ERBIN: variants seen among roughly 807,000 people sequenced by gnomAD.
ERBIN encodes densin-180-like protein.
In ERBIN, 60 loss-of-function variants were observed where a neutral mutation model predicts 158.4. The observed-to-expected ratio is 0.38, with a 90% CI of 0.31 to 0.47. The LOEUF is 0.47. ERBIN is among the 20% of genes least tolerant of loss of function. The pLI is 0.99. For synonymous variants in ERBIN, 594 were observed against 557.2 expected (o/e 1.07, Z -0.93); for missense variants, 1,610 against 1,648.0 (o/e 0.98, Z 0.40).
At chr5:65,976,015 A>G (rs994383377) in intron 1 of ERBIN, among the ~76,000 whole-genome samples, 1 of 152,184 alleles carries the variant, frequency 6.6e-6, no homozygotes, top group African/African-American at 2.4e-5. Flanking sequence ...TAATGAATTC[A>G]TGGAGGAAAA....
intron 21 of ERBIN, among the ~76,000 whole-genome samples, chr5:66,063,539 C>G (rs1464175072): frequency 2.0e-5 from 3 of 152,054 alleles, no homozygotes; most frequent in African/African-American, 7.2e-5. Flanking sequence ...TGTGCTGCAC[C>G]CACTGTTCTG....
At chr5:66,008,320 G>A (rs1753838522) in intron 4 of ERBIN, among the ~76,000 whole-genome samples, 1 of 152,174 alleles carries the variant, frequency 6.6e-6, no homozygotes, top group Admixed American at 6.5e-5. Context: ...TTAGGAGGCT[G>A]AGGCAGGAGA....
At chr5:66,066,535 A>AAAAAT (rs1561450904) in intron 21 of ERBIN, among the ~76,000 whole-genome samples, 1,724 of 151,018 alleles carry the variant, frequency 0.011, 38 homozygotes, top group African/African-American at 0.04. Flanking sequence ...AAAAAAAAAA[A>AAAAAT]CAAAAAAAAC....
chr5:66,062,755 A>G (rs974756392), intron 21 of ERBIN, among the ~76,000 whole-genome samples: 4 of 152,076 alleles, frequency 2.6e-5, no homozygotes, highest in African/African-American at 9.7e-5. Flanking sequence ...TTTTCCTTCT[A>G]ATAGTCACAA....
At chr5:66,039,858 A>T (rs904903594) in intron 15 of ERBIN, among the ~76,000 whole-genome samples, 6 of 152,038 alleles carry the variant, frequency 3.9e-5, no homozygotes, top group Non-Finnish European at 7.4e-5. Context: ...TTATCTCACA[A>T]ATCTTCTAAT....
At chr5:66,071,973 A>C (rs550314936) in intron 21 of ERBIN, among the ~76,000 whole-genome samples, 196 bp from the exon 22 acceptor site, 2 of 152,282 alleles carry the variant, frequency 1.3e-5, no homozygotes, top group South Asian at 4.1e-4. Flanking sequence ...TCATACATAC[A>C]AAAATATCTT....
intron 4 of ERBIN, among the ~76,000 whole-genome samples, chr5:66,010,120 G>A (rs1026687702): frequency 2.0e-5 from 3 of 152,016 alleles, no homozygotes; most frequent in Non-Finnish European, 4.4e-5. Context: ...GCATTTATTT[G>A]TTAGGTCTCG....
At chr5:66,039,811 CTA>C (rs1175750903) in intron 15 of ERBIN, among the ~76,000 whole-genome samples, 1 of 151,884 alleles carries the variant, frequency 6.6e-6, no homozygotes, top group Non-Finnish European at 1.5e-5. Flanking sequence ...AAAGCTTTAA[CTA>C]TAGAACCTCC....
rs1758852127 is a variant in ERBIN, at chr5:66,049,935, T to G, written c.1904-848T>G. On this transcript the variant is annotated intron_variant, in intron 19 of 25. Coordinates refer to ENST00000284037, the MANE Select transcript of ERBIN (RefSeq NM_001253697.2). ...AGAGTTTACCATTCATAAACAAGTT[T>G]ATGAAATGTTTTAAAAACATTAAGA... 2.0e-5 allele frequency among the ~76,000 whole-genome samples: 3 copies of G among 152,138 alleles called. No homozygotes were observed. In the South Asian group the frequency reaches 6.2e-4, roughly 31 times the overall value.
At chr5:66,013,442 G>C (rs1754413296) in intron 5 of ERBIN, 107 bp from the exon 6 acceptor site, 1 of 820,458 alleles carries the variant, frequency 1.2e-6, no homozygotes, top group African/African-American at 1.7e-5. Context: ...CATAACAGAA[G>C]CGACTGTTTT....
intron 1 of ERBIN, among the ~76,000 whole-genome samples, chr5:65,976,547 T>A (rs1749886951): frequency 6.6e-6 from 1 of 151,066 alleles, no homozygotes; most frequent in Non-Finnish European, 1.5e-5. Flanking sequence ...TTGATCATTC[T>A]TGGGTGTTTC....
At chr5:66,045,239 A>G (rs554540568) in intron 17 of ERBIN, among the ~76,000 whole-genome samples, 5 of 152,140 alleles carry the variant, frequency 3.3e-5, no homozygotes, top group African/African-American at 1.2e-4. Context: ...AAAATGTGTA[A>G]TGGAGCTGAA....
intron 10 of ERBIN, 159 bp from the exon 11 acceptor site, chr5:66,025,321 G>A (rs947651745): frequency 3.0e-6 from 2 of 659,668 alleles, no homozygotes; most frequent in Admixed American, 2.6e-5. Flanking sequence ...CAGGATGAGG[G>A]AATAGAACAT....
chr5:65,985,173 A>G (rs1022759259), intron 1 of ERBIN, among the ~76,000 whole-genome samples: 1 of 152,154 alleles, frequency 6.6e-6, no homozygotes, highest in African/African-American at 2.4e-5. Context: ...GGCTCACTCC[A>G]GCCTGTGCCT....
At chr5:66,062,998 T>G (rs10056978) in intron 21 of ERBIN, among the ~76,000 whole-genome samples, 2,665 of 152,320 alleles carry the variant, frequency 0.017, 81 homozygotes, top group African/African-American at 0.061. Flanking sequence ...GGGACCCACT[T>G]GAGGAGGCAG....
At chr5:66,005,951 G>A (rs183904865) in intron 4 of ERBIN, among the ~76,000 whole-genome samples, 2,573 of 152,138 alleles carry the variant, frequency 0.017, 72 homozygotes, top group African/African-American at 0.059. Context: ...AATCAATATC[G>A]TGAAAATGGC....
intron 7 of ERBIN, among the ~76,000 whole-genome samples, chr5:66,015,974 G>C (rs746060104): frequency 1.3e-5 from 2 of 152,150 alleles, no homozygotes; most frequent in African/African-American, 2.4e-5. Flanking sequence ...TAATGTATCT[G>C]TTTTTATTAT....
rs1456686224 is a variant in ERBIN, at chr5:66,020,781, AACT to A, written c.534-536_534-534del. Among the ~76,000 whole-genome samples, 4 of 152,156 alleles carry A rather than the reference AACT, an allele frequency of 2.6e-5. No individual in the cohort carries two copies. The East Asian group carries it at 7.7e-4, about 29-fold the overall frequency. ...ATTGCTTTTATTTAAAATAAATGTC[AACT>A]ACTAATTTGTGATTCATATAAAACT... On this transcript the variant is annotated intron_variant, in intron 7 of 25. Transcript: ENST00000284037.
chr5:66,023,432 CCTTTTATAATTA>C (rs1650745500), intron 9 of ERBIN, 68 bp downstream of exon 9: 2 of 910,544 alleles, frequency 2.2e-6, no homozygotes, highest in East Asian at 5.2e-5. Context: ...GTGAATTGTA[CCTTTTATAATTA>C]CTTTTAATTA....
Sources: allele counts gnomAD v4.1 joint callset (sites outside exome capture counted in the v4.1 genomes callset), GRCh38; gene constraint gnomAD v4.1.1; transcripts MANE v1.5; gene names NCBI Gene and HGNC (gene_info 2026-07-23, HGNC 2026-07-21).